ADCY2: variants seen among roughly 807,000 people sequenced by gnomAD.
ADCY2 encodes adenylate cyclase 2, also known as adenylate cyclase type 2.
ADCY2 carries 31 observed loss-of-function variants against 125.2 expected under a neutral mutation model. That is an observed-to-expected ratio of 0.25 (90% CI 0.19 to 0.33). The LOEUF is 0.33. Among genes scored for constraint, ADCY2 ranks in the 10% least tolerant of loss-of-function variants. The pLI, the probability that ADCY2 is intolerant of heterozygous loss-of-function variation, is 1.00. For synonymous variants in ADCY2, 512 were observed against 548.4 expected, an observed-to-expected ratio of 0.93 and a Z score of 0.93; for missense variants, 904 against 1,418.2, an observed-to-expected ratio of 0.64 and a Z score of 5.82.
chr5:7,433,105 T>C (rs1478088638), intron 2 of ADCY2, among the ~76,000 whole-genome samples: 1 of 152,332 alleles, frequency 6.6e-6, no homozygotes, highest in Non-Finnish European at 1.5e-5. Context: ...AGAGATTTGG[T>C]GACTCGCCAA....
intron 1 of ADCY2, among the ~76,000 whole-genome samples, chr5:7,411,430 C>A (rs1338072020): frequency 1.3e-5 from 2 of 152,222 alleles, no homozygotes; most frequent in African/African-American, 2.4e-5. Context: ...ATTAGGACTT[C>A]AGAGGTCAAA....
intron 4 of ADCY2, among the ~76,000 whole-genome samples, chr5:7,683,840 A>G (rs1740420912): frequency 6.6e-6 from 1 of 152,218 alleles, no homozygotes; most frequent in Non-Finnish European, 1.5e-5. Context: ...CATCAAATCG[A>G]TACCAATGTG....
At chr5:7,648,640 G>GA in intron 4 of ADCY2, among the ~76,000 whole-genome samples, 1 of 151,998 alleles carries the variant, frequency 6.6e-6, no homozygotes, top group East Asian at 1.9e-4. Flanking sequence ...TGTGAGAATT[G>GA]AAATATATAA....
chr5:7,733,129 T>C (rs1401418142), intron 14 of ADCY2, among the ~76,000 whole-genome samples: 2 of 152,228 alleles, frequency 1.3e-5, no homozygotes, highest in Non-Finnish European at 2.9e-5. Flanking sequence ...AATTTTTTTC[T>C]AGCACAATTT....
At chr5:7,638,181 A>G (rs1049257026) in intron 4 of ADCY2, among the ~76,000 whole-genome samples, 2 of 152,176 alleles carry the variant, frequency 1.3e-5, no homozygotes, top group Admixed American at 6.5e-5. Flanking sequence ...TTTCTTTGTT[A>G]TCATATATTT....
At chr5:7,423,560 C>T (rs1239651858) in intron 2 of ADCY2, among the ~76,000 whole-genome samples, 1 of 152,174 alleles carries the variant, frequency 6.6e-6, no homozygotes, top group Non-Finnish European at 1.5e-5. Flanking sequence ...TAAGACGTGA[C>T]TTTGCTCCTC....
chr5:7,467,893 G>A (rs1264339284), intron 2 of ADCY2, among the ~76,000 whole-genome samples: 1 of 152,278 alleles, frequency 6.6e-6, no homozygotes, highest in South Asian at 2.1e-4. Context: ...CTTGAGAGAA[G>A]TCCAGGTAAG....
chr5:7,466,344 A>G (rs1438211607), intron 2 of ADCY2, among the ~76,000 whole-genome samples: 2 of 152,184 alleles, frequency 1.3e-5, no homozygotes, highest in African/African-American at 4.8e-5. Flanking sequence ...ACTAATATCT[A>G]TAGAGCATTT....
In ADCY2 at chr5:7,757,499, G is replaced by A. The variant is rs199797106; in HGVS notation, c.2007G>A (p.Ser669=). The change falls in exon 16 of 25, where the codon TCG becomes TCA. Residue 669 remains serine (S), a synonymous_variant. Coordinates refer to ENST00000338316, the MANE Select transcript of ADCY2 (RefSeq NM_020546.3). ...TGCTCATGTGGCTTTTGAAGTCCTC[G>A]GGCATCATTGCCAACCGCCCCTGGC... The part of the protein sequence containing the change: ...SPLLMWLLKS[S]GIIANRPWPR... The A allele has an allele frequency of 3.6e-5, 58 of 1,613,904 alleles. No individual in the cohort carries two copies. Among genetic ancestry groups the A allele is most frequent in the Middle Eastern group, 3.3e-4 (2 of 6,062 alleles).
chr5:7,625,542 T>TA (rs1159108202), intron 3 of ADCY2, among the ~76,000 whole-genome samples: 1 of 152,256 alleles, frequency 6.6e-6, no homozygotes, highest in Admixed American at 6.5e-5. Context: ...GAATTGTTTT[T>TA]ATCATGAAAA....
chr5:7,558,025 C>G (rs1226310559), intron 3 of ADCY2, among the ~76,000 whole-genome samples: 1 of 151,742 alleles, frequency 6.6e-6, no homozygotes, highest in Non-Finnish European at 1.5e-5. Context: ...TCACCAGCAT[C>G]TGTTGTTTTG....
At chr5:7,719,811 C>T (rs1015976140) in intron 12 of ADCY2, among the ~76,000 whole-genome samples, 1 of 152,146 alleles carries the variant, frequency 6.6e-6, no homozygotes, top group Admixed American at 6.5e-5. Flanking sequence ...GGAGTTAGGG[C>T]TTCAAAGATG....
intron 3 of ADCY2, among the ~76,000 whole-genome samples, chr5:7,545,929 G>A (rs1034898846): frequency 6.6e-6 from 1 of 152,106 alleles, no homozygotes; most frequent in Non-Finnish European, 1.5e-5. Context: ...GTGTGCAGAC[G>A]GGGATTACTG....
chr5:7,681,672 G>T (rs1347396547), intron 4 of ADCY2, among the ~76,000 whole-genome samples: 1 of 152,092 alleles, frequency 6.6e-6, no homozygotes, highest in Admixed American at 6.5e-5. Context: ...GCCTGGATTG[G>T]GCTTGGCTTG....
intron 2 of ADCY2, among the ~76,000 whole-genome samples, chr5:7,513,014 C>T (rs1426039248): frequency 6.6e-6 from 1 of 151,002 alleles, no homozygotes; most frequent in Non-Finnish European, 1.5e-5. Flanking sequence ...GAGGTGATTT[C>T]TCAACTGAAC....
intron 2 of ADCY2, among the ~76,000 whole-genome samples, chr5:7,448,653 C>G (rs1741367393): frequency 6.6e-6 from 1 of 152,072 alleles, no homozygotes; most frequent in Non-Finnish European, 1.5e-5. Context: ...TCCAACAGGT[C>G]CTCGTGTGTG....
intron 16 of ADCY2, among the ~76,000 whole-genome samples, chr5:7,759,916 G>T (rs901136351): frequency 6.6e-6 from 1 of 151,296 alleles, no homozygotes; most frequent in Non-Finnish European, 1.5e-5. Flanking sequence ...GGGTTGGGGG[G>T]TGGGGGTGGT....
At chr5:7,778,872 C>A (rs147721117) in intron 18 of ADCY2, among the ~76,000 whole-genome samples, 1 of 152,334 alleles carries the variant, frequency 6.6e-6, no homozygotes, top group African/African-American at 2.4e-5. Flanking sequence ...TACCCTGGGG[C>A]AGATGGTCTG....
intron 3 of ADCY2, among the ~76,000 whole-genome samples, chr5:7,606,773 T>G (rs184140445): frequency 6.6e-6 from 1 of 152,360 alleles, no homozygotes. Context: ...ATATTTGCTA[T>G]TTGCTTTCGG....
Sources: allele counts gnomAD v4.1 joint callset (sites outside exome capture counted in the v4.1 genomes callset), GRCh38; gene constraint gnomAD v4.1.1; transcripts MANE v1.5; gene names NCBI Gene and HGNC (gene_info 2026-07-23, HGNC 2026-07-21).